The following CORO2B variants were observed in gnomAD, a reference collection of about 807,000 sequenced individuals.
The protein encoded by CORO2B is coronin-2B.
Under a neutral mutation model 58.8 loss-of-function variants are expected in CORO2B, and 26 were observed. That is an observed-to-expected ratio of 0.44 (90% CI 0.32 to 0.61). The LOEUF is 0.61. CORO2B is among the 20% of genes least tolerant of loss of function. The pLI is 0.04. For missense variants in CORO2B, 460 were observed against 645.1 expected, an observed-to-expected ratio of 0.71 and a Z score of 3.11; for synonymous variants, 242 against 253.8, an observed-to-expected ratio of 0.95 and a Z score of 0.44.
chr15:68,609,257 C>G (rs1047255960), intron 1 of CORO2B, among the ~76,000 whole-genome samples: 1 of 152,174 alleles, frequency 6.6e-6, no homozygotes, highest in Non-Finnish European at 1.5e-5. Flanking sequence ...GAAAGGGACA[C>G]ATTTGCTGTC....
chr15:68,593,365 C>T (rs937985398), intron 1 of CORO2B, among the ~76,000 whole-genome samples: 4 of 152,210 alleles, frequency 2.6e-5, no homozygotes, highest in African/African-American at 9.7e-5. Flanking sequence ...ATAGTTGGTC[C>T]TCCCTGTCCT....
the CORO2B span, among the ~76,000 whole-genome samples, chr15:68,528,831 T>C: frequency 2.0e-5 from 3 of 152,150 alleles, no homozygotes; most frequent in Non-Finnish European, 4.4e-5. Context: ...CTTCAAGGAA[T>C]ATGTGGTGCA....
the CORO2B span, among the ~76,000 whole-genome samples, chr15:68,536,863 C>G: frequency 2.6e-5 from 4 of 152,182 alleles, no homozygotes; most frequent in African/African-American, 9.7e-5. Context: ...CTTCATCAGC[C>G]CTTCCTCCTT....
At chr15:68,696,292 T>A (rs1892508849) in intron 3 of CORO2B, among the ~76,000 whole-genome samples, 2 of 150,874 alleles carry the variant, frequency 1.3e-5, no homozygotes, top group African/African-American at 4.9e-5. Flanking sequence ...CACATGCCTG[T>A]AATCCCAGCA....
intron 2 of CORO2B, among the ~76,000 whole-genome samples, chr15:68,656,165 A>T (rs1250566342): frequency 4.0e-5 from 1 of 24,796 alleles, no homozygotes; most frequent in African/African-American, 1.6e-4. Context: ...TCCCCCTCGC[A>T]CCGTCCCCCC....
the CORO2B span, among the ~76,000 whole-genome samples, chr15:68,525,272 G>A: frequency 6.6e-6 from 1 of 152,230 alleles, no homozygotes; most frequent in East Asian, 1.9e-4. Context: ...GGGGGACGGG[G>A]GACAGATACA....
At chr15:68,651,754 C>T (rs1423185973) in intron 2 of CORO2B, among the ~76,000 whole-genome samples, 1 of 152,176 alleles carries the variant, frequency 6.6e-6, no homozygotes, top group Non-Finnish European at 1.5e-5. Context: ...CAGAAGAGAA[C>T]AGCACCTGCC....
chr15:68,662,038 T>A (rs1219278067), intron 2 of CORO2B, among the ~76,000 whole-genome samples: 1 of 151,480 alleles, frequency 6.6e-6, no homozygotes, highest in African/African-American at 2.4e-5. Context: ...ATTAATTAAT[T>A]AATAAAAATC....
intron 11 of CORO2B, among the ~76,000 whole-genome samples, chr15:68,723,597 GCACCTGCCACCA>G (rs1342613037): frequency 6.6e-6 from 1 of 151,732 alleles, no homozygotes; most frequent in Non-Finnish European, 1.5e-5. Flanking sequence ...GGGATTACAG[GCACCTGCCACCA>G]CACCTGGCTA....
chr15:68,560,442 A>G, the CORO2B span, among the ~76,000 whole-genome samples: 146 of 152,018 alleles, frequency 9.6e-4, 1 homozygote, highest in African/African-American at 3.3e-3. Context: ...CTACAGGTGC[A>G]TGCCACCATG....
In CORO2B at chr15:68,602,008, CTT is replaced by C. The variant is rs566789911; in HGVS notation, c.15+22748_15+22749del. Among the ~76,000 whole-genome samples, 264 of 133,136 alleles carry C rather than the reference CTT, an allele frequency of 2.0e-3. 1 individual carries two copies. Among genetic ancestry groups the C allele is most frequent in the African/African-American group, 4.3e-3 (157 of 36,790 alleles). 87.3% of individuals were successfully genotyped at this position (133,136 alleles called of 152,430 possible). ...CAGAAGGCCAAACACGATGGGAAGGCTTTTTTTTTTTTTTTTTTAAATAAATG... is the reference window on the plus strand; with the variant it reads ...CAGAAGGCCAAACACGATGGGAAGGCTTTTTTTTTTTTTTTTAAATAAATG... On this transcript the variant is annotated intron_variant, in intron 1 of 11. Coordinates refer to ENST00000261861, the MANE Select transcript of CORO2B (RefSeq NM_006091.5).
chr15:68,633,259 C>G (rs1223146078), intron 1 of CORO2B, among the ~76,000 whole-genome samples: 1 of 151,982 alleles, frequency 6.6e-6, no homozygotes, highest in African/African-American at 2.4e-5. Context: ...CTGTTGGCCA[C>G]AGATCCCAGC....
chr15:68,643,263 G>A (rs1901316409), intron 1 of CORO2B, among the ~76,000 whole-genome samples: 1 of 151,976 alleles, frequency 6.6e-6, no homozygotes, highest in Non-Finnish European at 1.5e-5. Flanking sequence ...GGAAGGGAGA[G>A]CCTTGCCTGC....
the CORO2B span, among the ~76,000 whole-genome samples, chr15:68,545,608 GGGGCGGGGGGGGTAATACT>G: frequency 2.2e-4 from 29 of 130,780 alleles, no homozygotes; most frequent in African/African-American, 6.3e-4. Flanking sequence ...AGGAATGCGG[GGGGCGGGGGGGGTAATACT>G]GGGCGAGGGG....
At position 68,640,975 on chromosome 15, in the gene CORO2B, T is replaced by C. The variant is rs570732746; in HGVS notation, c.16-4185T>C. 5.9e-5 allele frequency among the ~76,000 whole-genome samples: 9 copies of C among 152,168 alleles called. No individual in the cohort carries two copies. The South Asian group carries it at 1.7e-3, about 28-fold the overall frequency. ...CAGGGTTCTGTGTGAAGACTTAGCA[T>C]AGGTTCACGTGGAGTGGAGCTCCAC... On this transcript the variant is annotated intron_variant, in intron 1 of 11. Transcript: ENST00000261861.
At chr15:68,537,574 T>C in the CORO2B span, among the ~76,000 whole-genome samples, 2 of 152,156 alleles carry the variant, frequency 1.3e-5, no homozygotes, top group African/African-American at 4.8e-5. Flanking sequence ...GGTGATTTGC[T>C]GCACCTGTCA....
chr15:68,642,576 C>G (rs1901288359), intron 1 of CORO2B, among the ~76,000 whole-genome samples: 1 of 152,218 alleles, frequency 6.6e-6, no homozygotes, highest in African/African-American at 2.4e-5. Flanking sequence ...AGTTACCCAG[C>G]AGGTCTCCCC....
chr15:68,653,931 G>C (rs1354053100), intron 2 of CORO2B, among the ~76,000 whole-genome samples: 1 of 151,668 alleles, frequency 6.6e-6, no homozygotes, highest in Non-Finnish European at 1.5e-5. Context: ...AGGGAATTCA[G>C]AGAGCCTTTT....
the CORO2B span, among the ~76,000 whole-genome samples, chr15:68,569,360 A>T: frequency 6.6e-6 from 1 of 152,102 alleles, no homozygotes; most frequent in African/African-American, 2.4e-5. Context: ...TGCCTTTTCC[A>T]CAATGTCATC....
Sources: gnomAD v4.1 joint callset for allele counts (sites outside exome capture counted in the v4.1 genomes callset) on GRCh38, gnomAD v4.1.1 for gene constraint, MANE v1.5 for transcripts, NCBI Gene and HGNC (gene_info 2026-07-23, HGNC 2026-07-21) for gene names.